Variants in PCDHA2 observed in about 807,000 individuals in gnomAD.
PCDHA2 encodes protocadherin alpha 2.
A neutral mutation model predicts 66.0 loss-of-function variants in PCDHA2; 58 were observed. The ratio of observed to expected loss-of-function variants is 0.88; its 90% CI spans 0.71 to 1.09. The LOEUF (loss-of-function observed/expected upper bound fraction) is 1.09, where lower values mean the gene tolerates loss of function less well. Among genes scored for constraint, PCDHA2 ranks in the 50% least tolerant of loss-of-function variants. The pLI is 0.00. For missense variants in PCDHA2, 1,267 were observed against 1,242.3 expected, an observed-to-expected ratio of 1.02 and a Z score of -0.30; for synonymous variants, 634 against 554.0, an observed-to-expected ratio of 1.14 and a Z score of -2.03.
At chr5:140,876,906 G>T (rs782762108) in intron 1 of PCDHA2, 13 of 1,613,908 alleles carry the variant, frequency 8.1e-6, no homozygotes, top group South Asian at 2.2e-5. Flanking sequence ...TCACGGTGTC[G>T]GCATGGGACG....
At chr5:140,850,558 G>T (rs2150489293) in intron 1 of PCDHA2, 3 of 1,598,326 alleles carry the variant, frequency 1.9e-6, no homozygotes, top group Non-Finnish European at 2.6e-6. Flanking sequence ...GGTGCCACGG[G>T]CCCCGAGGTG....
rs2150124973 is a variant in PCDHA2, at chr5:140,823,356, G to A, written c.2388+26004G>A. 1.7e-5 allele frequency: 28 copies of A among 1,612,466 alleles called. No individual in the cohort carries two copies. The African/African-American group carries it at 2.8e-4, about 16-fold the overall frequency. ...TGCAGCCGCTGGACCACGAGGAAGT[G>A]GAGCTGCTGCAGTTCCAGGTGAGCG... On this transcript the variant is annotated intron_variant, in intron 1 of 3. Coordinates refer to ENST00000526136, the MANE Select transcript of PCDHA2 (RefSeq NM_018905.3).
chr5:140,804,892 C>T, intron 1 of PCDHA2: 1 of 688,698 alleles, frequency 1.5e-6, no homozygotes, highest in Non-Finnish European at 2.2e-6. Context: ...CTCTCCTTCC[C>T]CTCACTTCCA....
chr5:140,954,824 C>A (rs1167171102), intron 1 of PCDHA2, among the ~76,000 whole-genome samples: 1 of 152,068 alleles, frequency 6.6e-6, no homozygotes, highest in Admixed American at 6.6e-5. Flanking sequence ...GCTTTAGGCA[C>A]TTTTGTCATG....
chr5:140,807,657 C>T, intron 1 of PCDHA2: 1 of 1,614,220 alleles, frequency 6.2e-7, no homozygotes, highest in Non-Finnish European at 8.5e-7. Flanking sequence ...CTAGAGGGCG[C>T]CTCGGATGCA....
At chr5:140,941,222 T>TCTTC (rs2092907237) in intron 1 of PCDHA2, among the ~76,000 whole-genome samples, 2 of 116,858 alleles carry the variant, frequency 1.7e-5, no homozygotes, top group Non-Finnish European at 3.8e-5. Flanking sequence ...TTCCTTTCTT[T>TCTTC]CTTTCTTTCT....
At chr5:140,863,799 G>C (rs1246230954) in intron 1 of PCDHA2, 1 of 212,342 alleles carries the variant, frequency 4.7e-6, no homozygotes, top group Non-Finnish European at 9.6e-6. Context: ...AGGAGTTTGA[G>C]ACCAGCCTGG....
intron 1 of PCDHA2, chr5:140,869,862 A>G: frequency 3.7e-6 from 6 of 1,610,466 alleles, no homozygotes; most frequent in Non-Finnish European, 5.1e-6. Flanking sequence ...GCCTTATGGA[A>G]AATGCTGCTA....
At chr5:140,850,722 A>T (rs2150495731) in intron 1 of PCDHA2, 1 of 1,597,444 alleles carries the variant, frequency 6.3e-7, no homozygotes, top group Non-Finnish European at 8.6e-7. Flanking sequence ...GGTGTGTTCT[A>T]GCGCGGTGGG....
chr5:140,872,007 G>A (rs974078446), intron 1 of PCDHA2, among the ~76,000 whole-genome samples: 7 of 152,176 alleles, frequency 4.6e-5, no homozygotes, highest in African/African-American at 1.4e-4. Flanking sequence ...ATTTACAGGT[G>A]ACCTGTAGCC....
chr5:140,882,120 C>G, intron 1 of PCDHA2: 4 of 1,448,936 alleles, frequency 2.8e-6, no homozygotes. Flanking sequence ...GCCGCCGTTT[C>G]TTTCTTCCTG....
intron 1 of PCDHA2, among the ~76,000 whole-genome samples, chr5:140,948,646 G>A (rs1030231985): frequency 3.3e-5 from 5 of 151,616 alleles, no homozygotes; most frequent in South Asian, 2.1e-4. Context: ...ATCTTTTAAC[G>A]TCTGTATAAT....
intron 1 of PCDHA2, among the ~76,000 whole-genome samples, chr5:140,897,416 T>C (rs1233824796): frequency 6.9e-6 from 1 of 145,554 alleles, no homozygotes; most frequent in African/African-American, 2.5e-5. Flanking sequence ...TCAATTCCCA[T>C]CTATGAGTGA....
intron 1 of PCDHA2, chr5:140,869,548 G>C (rs2051232334): frequency 1.2e-6 from 2 of 1,614,084 alleles, no homozygotes; most frequent in African/African-American, 2.7e-5. Context: ...TAAGCAATCG[G>C]ACTCGCGTTT....
chr5:140,952,338 C>CA (rs55931446), intron 1 of PCDHA2, among the ~76,000 whole-genome samples: 315 of 135,024 alleles, frequency 2.3e-3, no homozygotes, highest in East Asian at 0.011. Context: ...AACTCCATCT[C>CA]AAAAAAAAAA....
chr5:140,853,245 C>T lies in PCDHA2; in HGVS notation c.2388+55893C>T. On this transcript the variant is annotated intron_variant, in intron 1 of 3. Coordinates refer to ENST00000526136, the MANE Select transcript of PCDHA2 (RefSeq NM_018905.3). ...TGGTAATTTAGTCCTTCATATTAAT[C>T]TCTATTCTCTCTCAGAGTACAAGCT... The T allele has an allele frequency of 2.1e-6, 2 of 975,340 alleles. 1 individual carries two copies. The highest frequency in any genetic ancestry group is 2.5e-6 in the Non-Finnish European group (2 of 808,438). The allele number at this position is 975,340 out of a possible 1,614,324, so 60.4% of individuals were successfully genotyped here.
chr5:140,851,882 G>A lies in PCDHA2; in HGVS notation c.2388+54530G>A. ...CATACATAACACAAGGCAGAAATCT[G>A]GATATGAGATTTGCCTCTTTAATGT... On this transcript the variant is annotated intron_variant, in intron 1 of 3. Transcript: ENST00000526136. The A allele has an allele frequency of 2.0e-6, 2 of 976,778 alleles. 1 individual carries two copies. Among genetic ancestry groups the A allele is most frequent in the Non-Finnish European group, 2.5e-6 (2 of 809,414 alleles). The allele number at this position is 976,778 out of a possible 1,614,324, so 60.5% of individuals were successfully genotyped here. A position where few individuals can be genotyped will look rare whatever the true frequency, so the allele number is the denominator to read the frequency against.
intron 1 of PCDHA2, chr5:140,843,672 A>G: frequency 6.3e-7 from 1 of 1,592,800 alleles, no homozygotes; most frequent in Non-Finnish European, 8.6e-7. Context: ...GGATCAGTTG[A>G]TGTAGGCGAA....
At position 140,796,273 on chromosome 5, in the gene PCDHA2, G is replaced by A. The variant is rs1762059050; in HGVS notation, c.1309G>A (p.Ala437Thr). The change falls in exon 1 of 4, where the codon GCC (alanine) becomes ACC (threonine). Residue 437 changes from alanine to threonine, a missense_variant. Physicochemically the swap from Ala to Thr is moderately conservative, Grantham distance 58. Coordinates refer to ENST00000526136, the MANE Select transcript of PCDHA2 (RefSeq NM_018905.3). ...GGACGGGGGCTCGCCTTCACTGTGG[G>A]CCACCACCAGCGTGTCCATCGAGGT... ...ARDGGSPSLW[A>T]TTSVSIEVAD... 2 of 1,613,998 alleles carry A rather than the reference G, an allele frequency of 1.2e-6. No individual in the cohort carries two copies. The highest frequency in any genetic ancestry group is 1.7e-6 in the Non-Finnish European group (2 of 1,180,058).
Sources: allele counts gnomAD v4.1 joint callset (sites outside exome capture counted in the v4.1 genomes callset), GRCh38; gene constraint gnomAD v4.1.1; transcripts MANE v1.5; gene names NCBI Gene and HGNC (gene_info 2026-07-23, HGNC 2026-07-21).